Variants in INTS13 observed in about 807,000 individuals in gnomAD.
INTS13 encodes asunder, spermatogenesis regulator homolog (Drosphila).
A neutral mutation model predicts 90.2 loss-of-function variants in INTS13; 35 were observed. That is an observed-to-expected ratio of 0.39 (90% CI 0.30 to 0.51). The LOEUF (loss-of-function observed/expected upper bound fraction) is 0.51, where lower values mean the gene tolerates loss of function less well. Among genes scored for constraint, INTS13 ranks in the 20% least tolerant of loss-of-function variants. INTS13 has a pLI of 0.80. For synonymous variants in INTS13, 309 were observed against 277.1 expected (o/e 1.11, Z -1.14); for missense variants, 601 against 851.2 (o/e 0.71, Z 3.66).
intron 3 of INTS13, among the ~76,000 whole-genome samples, chr12:26,932,089 A>C (rs1439484059): frequency 6.7e-6 from 1 of 148,848 alleles, no homozygotes; most frequent in Non-Finnish European, 1.5e-5. Flanking sequence ...CTCAGTCTCA[A>C]AAAAAAAAAA....
rs752753496 is a variant in INTS13, at chr12:26,928,775, C to T, written c.431G>A (p.Arg144His). The T allele has an allele frequency of 3.7e-6, 6 of 1,614,148 alleles. No homozygotes were observed. The highest frequency in any genetic ancestry group is 4.5e-5 in the East Asian group (2 of 44,876). Residue 144 changes from arginine to histidine, a missense_variant, in exon 4 of 17, where the codon CGT becomes CAT. Physicochemically the swap from Arg to His is conservative, Grantham distance 29. Coordinates refer to ENST00000261191, the MANE Select transcript of INTS13 (RefSeq NM_018164.3). ...TTCTGCATTCTCCATGAGTAGAGTA[C>T]GAGCCTCATGTTGGTATTCAGTAAT... Reference protein sequence around the residue: ...CKITEYQHEARTLLMENAERV... With the variant: ...CKITEYQHEAHTLLMENAERV...
chr12:26,911,832 C>A (rs1191648104), intron 14 of INTS13, among the ~76,000 whole-genome samples: 2 of 152,178 alleles, frequency 1.3e-5, no homozygotes, highest in Non-Finnish European at 2.9e-5. Flanking sequence ...GTACTTGAAG[C>A]TCAGTGGGAC....
rs539332939 is a variant in INTS13 at position 26,908,495 on chromosome 12, C to CTT, written c.1946-2060_1946-2059dup. 2.6e-3 allele frequency among the ~76,000 whole-genome samples: 388 copies of CTT among 151,258 alleles called. 4 individuals are homozygous for CTT. Among genetic ancestry groups the CTT allele is most frequent in the Middle Eastern group, 0.025 (7 of 284 alleles). ...TGCTCTAACAACTAAAAATTTTAGT[C>CTT]TTTTTTTCAGTGCCAATCTATATCA... On this transcript the variant is annotated intron_variant, in intron 15 of 16. Transcript: ENST00000261191.
chr12:26,913,448 G>A lies in INTS13; in HGVS notation c.1805+9C>T, dbSNP rs757009397. On this transcript the variant is annotated intron_variant, in intron 14 of 16. Coordinates refer to ENST00000261191, the MANE Select transcript of INTS13 (RefSeq NM_018164.3). Reference sequence around the variant, plus strand: ...GCACCATGGTGCTATATCAATGCCAGGAAGTCACCTCTCTGAGTCTTGCCA... The same window carrying A: ...GCACCATGGTGCTATATCAATGCCAAGAAGTCACCTCTCTGAGTCTTGCCA... 8.1e-6 allele frequency: 13 copies of A among 1,610,918 alleles called. No individual in the cohort carries two copies. In the South Asian group the frequency reaches 1.3e-4, roughly 16 times the overall value.
chr12:26,923,516 G>A (rs1448173760), intron 7 of INTS13, among the ~76,000 whole-genome samples: 1 of 152,108 alleles, frequency 6.6e-6, no homozygotes, highest in Admixed American at 6.6e-5. Flanking sequence ...GAGATATAGT[G>A]GCTACCTTAT....
Position 26,911,298 on chromosome 12 carries a change from G to A in INTS13, c.1825C>T (p.Arg609Cys), listed in dbSNP as rs746846722. Residue 609 changes from arginine (R) to cysteine (C), a missense_variant, in exon 15 of 17, where the codon CGT becomes TGT. Arg to Cys is a radical substitution (Grantham distance 180, BLOSUM62 -3). This residue lies in a region of INTS13 where 228 missense variants were observed against 272.5 expected (regional missense o/e 0.84). Transcript: ENST00000261191. Reference protein sequence around the residue: ...DSERLKGILERGKEELAEAEI... With the variant: ...DSERLKGILECGKEELAEAEI... ...GCTTCAGCCAATTCTTCTTTTCCAC[G>A]CTCTAAGATTCCTTTTAATCTTTTA... 29 of 1,611,444 alleles carry A rather than the reference G, an allele frequency of 1.8e-5. No individual in the cohort carries two copies. The Admixed American group carries it at 2.4e-4, about 13-fold the overall frequency.
At position 26,919,869 on chromosome 12, in the gene INTS13, C is replaced by T. The variant is rs531151022; in HGVS notation, c.890-2136G>A. ...TAGGGGCCGGGCACGGTGACTCACA[C>T]CTGTAATCCCAGCACTTTGGGAGGC... On this transcript the variant is annotated intron_variant, in intron 8 of 16. Transcript: ENST00000261191. 3.4e-4 allele frequency among the ~76,000 whole-genome samples: 51 copies of T among 152,234 alleles called. 1 individual carries two copies. Among genetic ancestry groups the T allele is most frequent in the African/African-American group, 1.1e-3 (47 of 41,556 alleles).
chr12:26,905,430 G>C lies in INTS13; in HGVS notation c.*67C>G, dbSNP rs1951575481. Reference sequence around the variant, plus strand: ...ATAACTATACCATCTTGCTGTAAAAGTACTTATATCGAATTCCGCACAAAA... The same window carrying C: ...ATAACTATACCATCTTGCTGTAAAACTACTTATATCGAATTCCGCACAAAA... On this transcript the variant is annotated 3_prime_UTR_variant, in exon 17 of 17. Transcript: ENST00000261191. 1 of 1,436,880 alleles carries C rather than the reference G, an allele frequency of 7.0e-7. No individual in the cohort carries two copies. Among genetic ancestry groups the C allele is most frequent in the Non-Finnish European group, 9.7e-7 (1 of 1,028,772 alleles). 89.0% of individuals were successfully genotyped at this position (1,436,880 alleles called of 1,614,324 possible).
At chr12:26,912,464 T>G (rs1951808212) in intron 14 of INTS13, among the ~76,000 whole-genome samples, 1 of 152,042 alleles carries the variant, frequency 6.6e-6, no homozygotes, top group Non-Finnish European at 1.5e-5. Flanking sequence ...TTAATTAATT[T>G]TAAAAAAAGT....
At chr12:26,908,189 G>C (rs1275681495) in intron 15 of INTS13, among the ~76,000 whole-genome samples, 1 of 152,160 alleles carries the variant, frequency 6.6e-6, no homozygotes, top group Non-Finnish European at 1.5e-5. Flanking sequence ...TTGAGGAGGA[G>C]AGTGAAGGAT....
intron 9 of INTS13, 27 bp downstream of exon 9, chr12:26,917,617 C>G: frequency 6.3e-7 from 1 of 1,581,484 alleles, no homozygotes; most frequent in Non-Finnish European, 8.7e-7. Context: ...TTGATTTCGT[C>G]TTTTTCAGTT....
At chr12:26,919,953 C>T (rs1469111780) in intron 8 of INTS13, among the ~76,000 whole-genome samples, 1 of 152,038 alleles carries the variant, frequency 6.6e-6, no homozygotes, top group Admixed American at 6.6e-5. Flanking sequence ...ACGGTGAAAC[C>T]CCGTCTCTAT....
chr12:26,920,891 A>G (rs541330615), intron 8 of INTS13, among the ~76,000 whole-genome samples: 7 of 152,326 alleles, frequency 4.6e-5, no homozygotes, highest in African/African-American at 1.7e-4. Flanking sequence ...ACATGTAACA[A>G]ATGTCACAAT....
intron 10 of INTS13, 70 bp from the exon 11 acceptor site, chr12:26,916,250 A>G: frequency 7.5e-7 from 1 of 1,330,528 alleles, no homozygotes; most frequent in South Asian, 1.5e-5. Context: ...CTTGAGATTT[A>G]TGTCTAGATT....
rs1938368476 is a variant in INTS13 at position 26,934,641 on chromosome 12, C to G, written c.226-11G>C. 1.3e-6 allele frequency: 2 copies of G among 1,595,490 alleles called. No homozygotes were observed. The highest frequency in any genetic ancestry group is 1.7e-6 in the Non-Finnish European group (2 of 1,164,710). ...CACAATAAAATTCACCTAATAGATT[C>G]CAAAGAAACAATTAGTATTCAACTC... On this transcript the variant is annotated splice_polypyrimidine_tract_variant and intron_variant, in intron 2 of 16. Coordinates refer to ENST00000261191, the MANE Select transcript of INTS13 (RefSeq NM_018164.3).
At chr12:26,926,919 G>A (rs933482851) in intron 5 of INTS13, among the ~76,000 whole-genome samples, 15 of 152,220 alleles carry the variant, frequency 9.9e-5, no homozygotes, top group African/African-American at 3.4e-4. Context: ...ATCCTCCAGA[G>A]AGGGGACAGA....
At position 26,916,101 on chromosome 12, in the gene INTS13, C is replaced by A; in HGVS notation, c.1149G>T (p.Glu383Asp). Reference protein sequence around the residue: ...ISHMLSSHGGEIFLHVLSSSR... With the variant: ...ISHMLSSHGGDIFLHVLSSSR... ...AACTGCTAAGGACGTGCAAAAAAATCTCTCCTCCATGGCTACTAAGCATAT... is the reference window on the plus strand; with the variant it reads ...AACTGCTAAGGACGTGCAAAAAAATATCTCCTCCATGGCTACTAAGCATAT... Residue 383 changes from glutamate to aspartate, a missense_variant, in exon 11 of 17, where the codon GAG (glutamate) becomes GAT (aspartate). By Grantham distance (45) the Glu-to-Asp change is conservative. This residue lies in a region of INTS13 where 89 missense variants were observed against 191.0 expected (regional missense o/e 0.47). Transcript: ENST00000261191. 1 of 1,613,824 alleles carries A rather than the reference C, an allele frequency of 6.2e-7. No individual in the cohort carries two copies. Among genetic ancestry groups the A allele is most frequent in the Non-Finnish European group, 8.5e-7 (1 of 1,179,910 alleles).
At chr12:26,928,994 T>A in intron 3 of INTS13, 89 bp from the exon 4 acceptor site, 1 of 1,154,528 alleles carries the variant, frequency 8.7e-7, no homozygotes, top group South Asian at 1.4e-5. Flanking sequence ...CACCAATGTA[T>A]CTTACATATA....
chr12:26,917,674 T>C lies in INTS13; in HGVS notation c.949A>G (p.Lys317Glu). ...EGSFKETITL[K>E]WCTPRTNNIE... ...TTATTTGTCCTTGGTGTACACCACTTTAATGTTATTGTTTCTTTAAACGAG... is the reference window on the plus strand; with the variant it reads ...TTATTTGTCCTTGGTGTACACCACTCTAATGTTATTGTTTCTTTAAACGAG... Residue 317 changes from lysine (K) to glutamate (E), a missense_variant, in exon 9 of 17, where the codon AAG (lysine) becomes GAG (glutamate). Lys to Glu is a moderately conservative substitution (Grantham distance 56). This residue lies in a region of INTS13 where 284 missense variants were observed against 387.7 expected (regional missense o/e 0.73). Transcript: ENST00000261191. 1 of 1,614,062 alleles carries C rather than the reference T, an allele frequency of 6.2e-7. No individual in the cohort carries two copies. Among genetic ancestry groups the C allele is most frequent in the Non-Finnish European group, 8.5e-7 (1 of 1,179,930 alleles).
Sources: gnomAD v4.1 joint callset for allele counts (sites outside exome capture counted in the v4.1 genomes callset) on GRCh38, gnomAD v4.1.1 for gene constraint, gnomAD v4.1.1 regional missense constraint, MANE v1.5 for transcripts, NCBI Gene and HGNC (gene_info 2026-07-23, HGNC 2026-07-21) for gene names.